The following ITPR2 variants were observed in gnomAD, a reference collection of about 807,000 sequenced individuals.
ITPR2 encodes the protein inositol 1,4,5-trisphosphate-gated calcium channel ITPR2.
In ITPR2, 207 loss-of-function variants were observed where a neutral mutation model predicts 317.1. That is an observed-to-expected ratio of 0.65 (90% CI 0.58 to 0.73). The LOEUF (loss-of-function observed/expected upper bound fraction) is 0.73. Ranked by LOEUF, ITPR2 falls within the 30% of genes least tolerant of loss-of-function variation. The pLI is 0.00. For synonymous variants in ITPR2, 1,156 were observed against 1,149.1 expected, an observed-to-expected ratio of 1.01 and a Z score of -0.12; for missense variants, 2,613 against 3,284.0, an observed-to-expected ratio of 0.80 and a Z score of 4.99.
intron 34 of ITPR2, among the ~76,000 whole-genome samples, chr12:26,570,211 T>C (rs1333811621): frequency 1.3e-5 from 2 of 152,212 alleles, no homozygotes; most frequent in South Asian, 2.1e-4. Context: ...CCTAATATAC[T>C]GGAAATTAAT....
At chr12:26,379,303 T>C (rs1397851444) in intron 55 of ITPR2, among the ~76,000 whole-genome samples, 5 of 152,196 alleles carry the variant, frequency 3.3e-5, no homozygotes, top group Admixed American at 6.5e-5. Context: ...CAGGCACTTA[T>C]CTAATGTCAG....
intron 26 of ITPR2, among the ~76,000 whole-genome samples, chr12:26,609,523 G>A (rs1436499560): frequency 6.6e-6 from 1 of 152,108 alleles, no homozygotes; most frequent in Non-Finnish European, 1.5e-5. Context: ...AGGATCGCTG[G>A]AGCCTAGGAA....
intron 26 of ITPR2, 147 bp from the exon 27 acceptor site, chr12:26,602,853 T>C: frequency 2.3e-6 from 1 of 442,398 alleles, no homozygotes; most frequent in Non-Finnish European, 3.7e-6. Flanking sequence ...ACTTTTTTAT[T>C]GCATAAAAAG....
chr12:26,617,744 GA>G (rs1946403988), intron 26 of ITPR2, among the ~76,000 whole-genome samples: 1 of 125,542 alleles, frequency 8.0e-6, no homozygotes, highest in Non-Finnish European at 1.7e-5. Flanking sequence ...GGGAGGGAAG[GA>G]AGGACAGAAG....
At chr12:26,618,277 T>C (rs993737555) in intron 26 of ITPR2, among the ~76,000 whole-genome samples, 4 of 152,126 alleles carry the variant, frequency 2.6e-5, no homozygotes, top group Admixed American at 2.6e-4. Context: ...AAATAAAATA[T>C]CATGTTCAAG....
Position 26,397,441 on chromosome 12 carries a change from T to G in ITPR2, c.7696+1435A>C, listed in dbSNP as rs924503056. On this transcript the variant is annotated intron_variant, in intron 54 of 56. Coordinates refer to ENST00000381340, the MANE Select transcript of ITPR2 (RefSeq NM_002223.4). ...TTCCTGACTCTTCTTTCTCACTCCC[T>G]ACCCCATGCTGGAGAGGTATCCCTC... Among the ~76,000 whole-genome samples, 6 of 152,000 alleles carry G rather than the reference T, an allele frequency of 3.9e-5. No homozygotes were observed. In the South Asian group the frequency reaches 1.2e-3, roughly 32 times the overall value.
chr12:26,349,707 G>A (rs962712863), intron 55 of ITPR2, among the ~76,000 whole-genome samples: 3 of 152,266 alleles, frequency 2.0e-5, no homozygotes, highest in African/African-American at 7.2e-5. Context: ...CCCAGCAAAG[G>A]CTGGTGTCAC....
At chr12:26,459,363 T>C (rs755314988) in intron 45 of ITPR2, among the ~76,000 whole-genome samples, 1 of 152,246 alleles carries the variant, frequency 6.6e-6, no homozygotes, top group Non-Finnish European at 1.5e-5. Context: ...CTTTGAGTCA[T>C]TGCTATTCTG....
chr12:26,427,455 T>C (rs897785733), intron 49 of ITPR2, among the ~76,000 whole-genome samples: 3 of 152,176 alleles, frequency 2.0e-5, no homozygotes, highest in Non-Finnish European at 4.4e-5. Context: ...TTTGTTCACA[T>C]AAAAAGAACC....
chr12:26,552,554 T>C (rs1343157777), intron 36 of ITPR2, among the ~76,000 whole-genome samples: 1 of 152,204 alleles, frequency 6.6e-6, no homozygotes, highest in Non-Finnish European at 1.5e-5. Context: ...GTAACACTGA[T>C]GTCCTTTTAG....
Position 26,725,891 on chromosome 12 carries a change from C to A in ITPR2, c.164-126G>T, listed in dbSNP as rs1948911724. The stretch of plus-strand genomic sequence containing the variant: ...ACAGAACAGTTAAAAGTCATATAGT[C>A]CGTCCTCCAGCCAACTCTCCATTCA... On this transcript the variant is annotated intron_variant, in intron 2 of 56. Transcript: ENST00000381340. 6.5e-6 allele frequency: 4 copies of A among 617,808 alleles called. No homozygotes were observed. The South Asian group carries it at 8.2e-5, about 13-fold the overall frequency. 38.3% of individuals were successfully genotyped at this position (617,808 alleles called of 1,614,324 possible). A position where few individuals can be genotyped will look rare whatever the true frequency, so the allele number is the denominator to read the frequency against.
intron 8 of ITPR2, among the ~76,000 whole-genome samples, chr12:26,714,442 T>G (rs566865213): frequency 6.6e-6 from 1 of 152,326 alleles, no homozygotes; most frequent in East Asian, 1.9e-4. Flanking sequence ...TTTTAGATAG[T>G]CATTCTCATG....
chr12:26,782,070 A>AGAGAGCGC (rs1332997577), intron 2 of ITPR2, among the ~76,000 whole-genome samples: 1 of 122,612 alleles, frequency 8.2e-6, no homozygotes, highest in Non-Finnish European at 1.7e-5. Context: ...AGAGAGAGAG[A>AGAGAGCGC]GAGCGAGAGA....
At chr12:26,757,100 G>A (rs1305323693) in intron 2 of ITPR2, among the ~76,000 whole-genome samples, 1 of 152,188 alleles carries the variant, frequency 6.6e-6, no homozygotes, top group Non-Finnish European at 1.5e-5. Flanking sequence ...AAAAGGGGAG[G>A]CATGAATGAT....
chr12:26,566,301 G>A (rs1565608293), intron 34 of ITPR2, among the ~76,000 whole-genome samples: 1 of 135,514 alleles, frequency 7.4e-6, no homozygotes, highest in East Asian at 2.4e-4. Context: ...GAGAGGAGAG[G>A]GAGAGGGAAA....
At chr12:26,464,425 C>A (rs1942117555) in intron 45 of ITPR2, among the ~76,000 whole-genome samples, 1 of 152,152 alleles carries the variant, frequency 6.6e-6, no homozygotes, top group Non-Finnish European at 1.5e-5. Context: ...TTATGAGAAT[C>A]TAATAGCGCC....
chr12:26,666,408 T>C (rs1947633983), intron 13 of ITPR2, among the ~76,000 whole-genome samples: 1 of 152,174 alleles, frequency 6.6e-6, no homozygotes, highest in Non-Finnish European at 1.5e-5. Flanking sequence ...TATTATCAAA[T>C]AAAGCCATGT....
intron 13 of ITPR2, among the ~76,000 whole-genome samples, chr12:26,677,740 G>T (rs891466101): frequency 1.3e-5 from 2 of 152,070 alleles, no homozygotes; most frequent in Non-Finnish European, 2.9e-5. Flanking sequence ...AAAATGACCA[G>T]GAAATCTGAA....
At chr12:26,809,998 G>A (rs996769829) in intron 1 of ITPR2, among the ~76,000 whole-genome samples, 1 of 152,218 alleles carries the variant, frequency 6.6e-6, no homozygotes, top group African/African-American at 2.4e-5. Flanking sequence ...TTTCTGGATT[G>A]TACACTAAGG....
Sources: allele counts gnomAD v4.1 joint callset (sites outside exome capture counted in the v4.1 genomes callset), GRCh38; gene constraint gnomAD v4.1.1; transcripts MANE v1.5; gene names NCBI Gene and HGNC (gene_info 2026-07-23, HGNC 2026-07-21).